Variants in DTNA observed in about 807,000 individuals in gnomAD.
DTNA encodes the protein dystrobrevin alpha.
DTNA carries 43 observed loss-of-function variants against 100.7 expected under a neutral mutation model. That is an observed-to-expected ratio of 0.43 (90% CI 0.33 to 0.55). DTNA has a LOEUF of 0.55. Ranked by LOEUF, DTNA falls within the 20% of genes least tolerant of loss-of-function variation. DTNA has a pLI of 0.04. For synonymous variants in DTNA, 349 were observed against 347.9 expected (o/e 1.00, Z -0.04); for missense variants, 798 against 953.9 (o/e 0.84, Z 2.15).
chr18:34,687,895 C>G (rs976013970), intron 1 of DTNA, among the ~76,000 whole-genome samples: 1 of 151,870 alleles, frequency 6.6e-6, no homozygotes, highest in African/African-American at 2.4e-5. Context: ...TATGTAATGC[C>G]CTTCTTTGTC....
At chr18:34,847,814 A>G (rs1036225246) in intron 13 of DTNA, among the ~76,000 whole-genome samples, 2 of 152,252 alleles carry the variant, frequency 1.3e-5, no homozygotes, top group African/African-American at 2.4e-5. Flanking sequence ...TTAGAAGCAG[A>G]TTAGTAAGTC....
intron 12 of DTNA, among the ~76,000 whole-genome samples, 182 bp from the exon 13 acceptor site, chr18:34,838,563 G>T (rs369767470): frequency 6.6e-6 from 1 of 152,080 alleles, no homozygotes; most frequent in Admixed American, 6.6e-5. Flanking sequence ...TAGTGAAATC[G>T]AATTGTGGAT....
chr18:34,657,279 G>T (rs376909145), intron 1 of DTNA, among the ~76,000 whole-genome samples: 1 of 152,120 alleles, frequency 6.6e-6, no homozygotes, highest in Non-Finnish European at 1.5e-5. Flanking sequence ...CTGAAAGCCT[G>T]TCATAGCTTG....
chr18:34,860,249 T>TTTGA (rs1603275663), intron 16 of DTNA, among the ~76,000 whole-genome samples: 1 of 136,072 alleles, frequency 7.3e-6, no homozygotes, highest in Non-Finnish European at 1.6e-5. Context: ...TTTTTTTTTT[T>TTTGA]GGAGAGACGG....
intron 3 of DTNA, among the ~76,000 whole-genome samples, chr18:34,779,637 G>T (rs898041595): frequency 1.3e-5 from 2 of 152,090 alleles, no homozygotes; most frequent in Non-Finnish European, 1.5e-5. Flanking sequence ...GTCCAATAAA[G>T]GATTCTCCCT....
chr18:34,710,330 G>C lies in DTNA; in HGVS notation c.-117G>C, dbSNP rs2082656297. Reference sequence around the variant, plus strand: ...AACACAGCTTTTTATTGAAGTTAAAGGTTACTTTGGAGTTTGTTTGGAAAT... The same window carrying C: ...AACACAGCTTTTTATTGAAGTTAAACGTTACTTTGGAGTTTGTTTGGAAAT... On this transcript the variant is annotated 5_prime_UTR_variant, in exon 1 of 23. Coordinates refer to ENST00000444659, the MANE Select transcript of DTNA (RefSeq NM_001386795.1). 6.6e-6 allele frequency: 1 copy of C among 152,162 alleles called. No individual in the cohort carries two copies. Among genetic ancestry groups the C allele is most frequent in the Admixed American group, 6.5e-5 (1 of 15,272 alleles). 9.4% of individuals were successfully genotyped at this position (152,162 alleles called of 1,614,324 possible).
chr18:34,704,298 A>G (rs1254696688), intron 1 of DTNA, among the ~76,000 whole-genome samples: 2 of 152,146 alleles, frequency 1.3e-5, no homozygotes, highest in Non-Finnish European at 2.9e-5. Context: ...AAGTGGAGTC[A>G]CTCTGTCACT....
At chr18:34,806,162 G>T (rs2095355317) in intron 4 of DTNA, 57 bp from the exon 5 acceptor site, 1 of 1,467,586 alleles carries the variant, frequency 6.8e-7, no homozygotes, top group Non-Finnish European at 9.5e-7. Context: ...TACTCCAAAT[G>T]ACATCATGGT....
In DTNA at chr18:34,858,273, C is replaced by G; in HGVS notation, c.1533-12C>G. The G allele has an allele frequency of 6.2e-7, 1 of 1,613,414 alleles. No homozygotes were observed. The highest frequency in any genetic ancestry group is 8.5e-7 in the Non-Finnish European group (1 of 1,179,474). On this transcript the variant is annotated splice_polypyrimidine_tract_variant and intron_variant, in intron 15 of 22. Transcript: ENST00000444659. ...CTAACCTTGGTTTCTCACCTTCCTC[C>G]TCTCTCCCAAGAGAAATCTTACAGG...
intron 1 of DTNA, among the ~76,000 whole-genome samples, chr18:34,640,147 A>G (rs1325651186): frequency 6.6e-6 from 1 of 152,212 alleles, no homozygotes; most frequent in African/African-American, 2.4e-5. Context: ...AGAGATGATA[A>G]TGCTTTTTAT....
intron 7 of DTNA, 58 bp downstream of exon 7, chr18:34,816,072 G>T (rs2149386249): frequency 6.6e-7 from 1 of 1,517,328 alleles, no homozygotes; most frequent in Non-Finnish European, 9.1e-7. Context: ...TAGGCCATTA[G>T]TTCTACAGTT....
chr18:34,689,803 C>T (rs1600249631), intron 1 of DTNA, among the ~76,000 whole-genome samples: 1 of 152,296 alleles, frequency 6.6e-6, no homozygotes, highest in Middle Eastern at 3.4e-3. Context: ...TCTATAAGCC[C>T]CTGGCTGGGG....
intron 1 of DTNA, among the ~76,000 whole-genome samples, chr18:34,598,707 C>CA (rs1428133449): frequency 7.3e-5 from 11 of 150,990 alleles, no homozygotes; most frequent in East Asian, 2.0e-4. Context: ...ACTAAAAATA[C>CA]AAAAAAAAAT....
intron 1 of DTNA, among the ~76,000 whole-genome samples, chr18:34,664,407 C>A (rs1218957371): frequency 6.6e-6 from 1 of 152,020 alleles, no homozygotes; most frequent in African/African-American, 2.4e-5. Context: ...TAAGATGCTC[C>A]AATCACGTGC....
chr18:34,598,237 A>G (rs2051050500), intron 1 of DTNA, among the ~76,000 whole-genome samples: 1 of 150,340 alleles, frequency 6.7e-6, no homozygotes, highest in Non-Finnish European at 1.5e-5. Context: ...TTTTTACCAA[A>G]TGTGATGTAT....
chr18:34,543,012 C>T (rs948019057), intron 1 of DTNA, among the ~76,000 whole-genome samples: 1 of 151,956 alleles, frequency 6.6e-6, no homozygotes, highest in Non-Finnish European at 1.5e-5. Context: ...GACCTCTGAG[C>T]CTTTACAAAT....
At chr18:34,592,428 A>G (rs1428928032) in intron 1 of DTNA, among the ~76,000 whole-genome samples, 1 of 149,776 alleles carries the variant, frequency 6.7e-6, no homozygotes, top group African/African-American at 2.5e-5. Context: ...CTTTGTTTCC[A>G]TTCACTCAAT....
At chr18:34,538,189 G>A (rs1376236974) in intron 1 of DTNA, among the ~76,000 whole-genome samples, 1 of 152,048 alleles carries the variant, frequency 6.6e-6, no homozygotes, top group African/African-American at 2.4e-5. Context: ...CAAAAAGAGA[G>A]CAGTTTTGCT....
chr18:34,810,786 A>C (rs1602455135), intron 5 of DTNA, among the ~76,000 whole-genome samples: 1 of 152,342 alleles, frequency 6.6e-6, no homozygotes, highest in South Asian at 2.1e-4. Context: ...GAACACATGT[A>C]TCAAGCTATC....
Sources: gnomAD v4.1 joint callset for allele counts (sites outside exome capture counted in the v4.1 genomes callset) on GRCh38, gnomAD v4.1.1 for gene constraint, MANE v1.5 for transcripts, NCBI Gene and HGNC (gene_info 2026-07-23, HGNC 2026-07-21) for gene names.